AGBL1: variants seen among roughly 807,000 people sequenced by gnomAD.
AGBL1 encodes AGBL carboxypeptidase 1.
Under a neutral mutation model 118.9 loss-of-function variants are expected in AGBL1, and 130 were observed. The observed-to-expected ratio is 1.09, with a 90% CI of 0.95 to 1.26. The LOEUF is 1.26. Among genes scored for constraint, AGBL1 ranks in the 50% most tolerant of loss-of-function variants. The pLI is 0.00. For synonymous variants in AGBL1, 555 were observed against 478.9 expected (o/e 1.16, Z -2.08); for missense variants, 1,584 against 1,298.1 (o/e 1.22, Z -3.38).
At chr15:86,464,749 T>C (rs1394262678) in intron 18 of AGBL1, among the ~76,000 whole-genome samples, 2 of 152,214 alleles carry the variant, frequency 1.3e-5, no homozygotes, top group Non-Finnish European at 2.9e-5. Context: ...CGTTTATTGA[T>C]TTGCATATGT....
chr15:86,492,221 T>C (rs1271044295), intron 18 of AGBL1, among the ~76,000 whole-genome samples: 1 of 152,080 alleles, frequency 6.6e-6, no homozygotes, highest in Non-Finnish European at 1.5e-5. Context: ...GGTGGTAGCA[T>C]CTGTAAGGTG....
intron 18 of AGBL1, among the ~76,000 whole-genome samples, chr15:86,455,121 T>C (rs2082243787): frequency 2.0e-5 from 3 of 152,158 alleles, no homozygotes; most frequent in African/African-American, 2.4e-5. Context: ...CCTGGGAGAA[T>C]AGCAGCTGAT....
intron 21 of AGBL1, chr15:86,556,222 G>C (rs754992938): frequency 7.4e-6 from 12 of 1,611,958 alleles, no homozygotes; most frequent in Non-Finnish European, 8.5e-6. Flanking sequence ...CTACTGTGCA[G>C]TGTACACAGA....
At chr15:86,172,069 G>T (rs2077424015) in intron 5 of AGBL1, among the ~76,000 whole-genome samples, 1 of 152,182 alleles carries the variant, frequency 6.6e-6, no homozygotes, top group South Asian at 2.1e-4. Context: ...AGGGATAAAA[G>T]ACTACGCATT....
chr15:86,364,941 T>C (rs1252583187), intron 17 of AGBL1, among the ~76,000 whole-genome samples: 1 of 128,088 alleles, frequency 7.8e-6, no homozygotes, highest in Non-Finnish European at 1.7e-5. Context: ...AGGAGCCGCA[T>C]TGATTTATAT....
intron 22 of AGBL1, among the ~76,000 whole-genome samples, chr15:86,793,855 A>G (rs192325256): frequency 6.0e-4 from 92 of 152,370 alleles, no homozygotes; most frequent in Non-Finnish European, 8.4e-4. Context: ...AAAGATGTTC[A>G]CCATCACTGG....
chr15:86,244,246 T>C (rs138027732), intron 6 of AGBL1, among the ~76,000 whole-genome samples: 2,533 of 152,178 alleles, frequency 0.017, 41 homozygotes, highest in East Asian at 0.051. Context: ...TGAAGCCCTC[T>C]CACATCTCTC....
intron 19 of AGBL1, among the ~76,000 whole-genome samples, chr15:86,524,940 T>C (rs1209181208): frequency 6.6e-6 from 1 of 152,072 alleles, no homozygotes; most frequent in African/African-American, 2.4e-5. Context: ...GCATCCAAAT[T>C]GGAAAAGAGG....
intron 18 of AGBL1, among the ~76,000 whole-genome samples, chr15:86,449,826 T>C (rs2082170888): frequency 6.6e-6 from 1 of 152,132 alleles, no homozygotes; most frequent in African/African-American, 2.4e-5. Context: ...GAACGGCATG[T>C]CCAATCCTTC....
chr15:86,174,279 T>C (rs376385151), intron 5 of AGBL1, among the ~76,000 whole-genome samples: 2 of 152,282 alleles, frequency 1.3e-5, no homozygotes, highest in East Asian at 3.9e-4. Context: ...GAAATACTAC[T>C]GATATTTGTT....
At chr15:86,661,205 A>G (rs553217227) in intron 21 of AGBL1, among the ~76,000 whole-genome samples, 1 of 152,226 alleles carries the variant, frequency 6.6e-6, no homozygotes, top group African/African-American at 2.4e-5. Flanking sequence ...TAATACGCAT[A>G]AGATCATTGG....
intron 22 of AGBL1, among the ~76,000 whole-genome samples, chr15:86,902,792 A>G (rs1447130991): frequency 6.6e-6 from 1 of 152,004 alleles, no homozygotes; most frequent in Non-Finnish European, 1.5e-5. Context: ...GCTTTTCCCT[A>G]TGGCATTGTT....
At chr15:86,616,160 A>G (rs1369438046) in intron 21 of AGBL1, among the ~76,000 whole-genome samples, 1 of 151,912 alleles carries the variant, frequency 6.6e-6, no homozygotes, top group East Asian at 1.9e-4. Flanking sequence ...AACATGGTGA[A>G]ATTCCGTCTC....
At chr15:86,387,895 A>G (rs1279024454) in intron 17 of AGBL1, among the ~76,000 whole-genome samples, 1 of 152,194 alleles carries the variant, frequency 6.6e-6, no homozygotes, top group Non-Finnish European at 1.5e-5. Flanking sequence ...GCTCCTTGTC[A>G]TCTGGAGGTA....
intron 21 of AGBL1, 22 bp from the exon 22 acceptor site, chr15:86,674,251 T>A (rs1401397411): frequency 6.3e-7 from 1 of 1,597,882 alleles, no homozygotes; most frequent in Non-Finnish European, 8.5e-7. Context: ...TTGCCACAGT[T>A]AATGCTTTGT....
intron 18 of AGBL1, among the ~76,000 whole-genome samples, chr15:86,453,200 T>C (rs913077137): frequency 1.3e-5 from 2 of 152,166 alleles, no homozygotes; most frequent in African/African-American, 4.8e-5. Flanking sequence ...GTTAAGTGAA[T>C]GAATACGTGC....
At chr15:86,670,414 G>C (rs1419811932) in intron 21 of AGBL1, among the ~76,000 whole-genome samples, 1 of 151,872 alleles carries the variant, frequency 6.6e-6, no homozygotes, top group Non-Finnish European at 1.5e-5. Flanking sequence ...GACCAGCCTG[G>C]CCAAGGTGGT....
intron 22 of AGBL1, among the ~76,000 whole-genome samples, chr15:86,781,475 C>G (rs778285278): frequency 4.6e-5 from 7 of 152,034 alleles, no homozygotes; most frequent in Non-Finnish European, 1.0e-4. Context: ...AGTGCATGAC[C>G]CATGACAGGT....
At chr15:86,492,709 G>A (rs539407410) in intron 18 of AGBL1, among the ~76,000 whole-genome samples, 18 of 152,080 alleles carry the variant, frequency 1.2e-4, no homozygotes, top group Non-Finnish European at 1.2e-4. Flanking sequence ...TGTGTGTTAA[G>A]ATAAAATAAA....
Sources: allele counts gnomAD v4.1 joint callset (sites outside exome capture counted in the v4.1 genomes callset), GRCh38; gene constraint gnomAD v4.1.1; transcripts MANE v1.5; gene names NCBI Gene and HGNC (gene_info 2026-07-23, HGNC 2026-07-21).